The following ZNF518A variants were observed in gnomAD, a reference collection of about 807,000 sequenced individuals.
ZNF518A encodes the protein zinc finger protein 518A, also known as zinc finger protein 518.
Under a neutral mutation model 102.7 loss-of-function variants are expected in ZNF518A, and 47 were observed. That is an observed-to-expected ratio of 0.46 (90% CI 0.36 to 0.58). The LOEUF (loss-of-function observed/expected upper bound fraction) is 0.58. Among genes scored for constraint, ZNF518A ranks in the 20% least tolerant of loss-of-function variants. The pLI is 0.00. For missense variants in ZNF518A, 1,793 were observed against 1,699.8 expected, an observed-to-expected ratio of 1.05 and a Z score of -0.96; for synonymous variants, 652 against 594.6, an observed-to-expected ratio of 1.10 and a Z score of -1.40.
At chr10:96,144,155 T>A (rs1554877609) in intron 3 of ZNF518A, among the ~76,000 whole-genome samples, 1 of 152,172 alleles carries the variant, frequency 6.6e-6, no homozygotes. Flanking sequence ...TCAGCTAATT[T>A]TTGTATTTTT....
chr10:96,147,917 A>G (rs1175873087), intron 3 of ZNF518A, among the ~76,000 whole-genome samples: 1 of 151,968 alleles, frequency 6.6e-6, no homozygotes, highest in Non-Finnish European at 1.5e-5. Flanking sequence ...TGTTAGTCAA[A>G]TGTTAGACCT....
In ZNF518A at chr10:96,159,464, A is replaced by G. The variant is rs2082886005; in HGVS notation, c.3142A>G (p.Lys1048Glu). Residue 1048 changes from lysine to glutamate, a missense_variant, in exon 6 of 6, where the codon AAA becomes GAA. Around this residue, in one of 3 missense-constraint regions of ZNF518A, gnomAD observed 1,741 missense variants for 1,622.6 expected, o/e 1.07. Coordinates refer to ENST00000316045, the MANE Select transcript of ZNF518A (RefSeq NM_001330736.2). ...KSSSENTLPL[K>E]GPYILKPTSS... ...TAGCTCAGAAAATACTTTGCCATTA[A>G]AAGGCCCTTACATTTTGAAACCAAC... 1.9e-6 allele frequency: 3 copies of G among 1,613,788 alleles called. No homozygotes were observed. Among genetic ancestry groups the G allele is most frequent in the East Asian group, 4.5e-5 (2 of 44,888 alleles).
intron 3 of ZNF518A, among the ~76,000 whole-genome samples, chr10:96,151,038 C>G (rs1554880267): frequency 6.6e-6 from 1 of 152,060 alleles, no homozygotes; most frequent in African/African-American, 2.4e-5. Context: ...CAGGTGTGAG[C>G]CAGCACTCCC....
chr10:96,165,068 A>G (rs1338152962), downstream of ZNF518A, among the ~76,000 whole-genome samples: 2 of 152,096 alleles, frequency 1.3e-5, no homozygotes, highest in Non-Finnish European at 2.9e-5. Context: ...TACACTGAAA[A>G]TTAGTTACTT....
At chr10:96,153,493 A>C (rs2082549995) in intron 3 of ZNF518A, among the ~76,000 whole-genome samples, 1 of 152,260 alleles carries the variant, frequency 6.6e-6, no homozygotes, top group South Asian at 2.1e-4. Flanking sequence ...GAAACTTAAA[A>C]TTTGAGGGCA....
At chr10:96,138,363 C>T (rs1353660937) in intron 3 of ZNF518A, among the ~76,000 whole-genome samples, 1 of 152,138 alleles carries the variant, frequency 6.6e-6, no homozygotes, top group East Asian at 1.9e-4. Context: ...CTAGCTTTCC[C>T]TCTAATGCTT....
chr10:96,192,370 A>G (rs2083350009), intron 1 of ZNF518A, among the ~76,000 whole-genome samples: 1 of 152,198 alleles, frequency 6.6e-6, no homozygotes, highest in East Asian at 1.9e-4. Flanking sequence ...ATTATAGTAT[A>G]TTGCTTTTTA....
intron 1 of ZNF518A, among the ~76,000 whole-genome samples, chr10:96,169,725 A>AT (rs879960392): frequency 2.4e-4 from 37 of 151,880 alleles, no homozygotes; most frequent in Non-Finnish European, 4.1e-4. Flanking sequence ...TGCATGTCTC[A>AT]TTTTTTTTGT....
chr10:96,185,044 C>A (rs1294386098), intron 1 of ZNF518A, among the ~76,000 whole-genome samples: 1 of 152,210 alleles, frequency 6.6e-6, no homozygotes, highest in African/African-American at 2.4e-5. Flanking sequence ...CACTTCGTTT[C>A]ATTAATTTCA....
In ZNF518A at chr10:96,200,188, G is replaced by A. The variant is rs782766509; in HGVS notation, n.36-3386G>A. On this transcript the variant is annotated intron_variant and non_coding_transcript_variant, in intron 1 of 2. Transcript: ENST00000442635. The surrounding 1 kb of genome is among the most constrained non-coding windows in gnomAD (Gnocchi z 4.3). Reference sequence around the variant, plus strand: ...GAAATGGAGGGCACTGGTCAGCATGGGATGGTCCCTACTTAACTCTAATTT... The same window carrying A: ...GAAATGGAGGGCACTGGTCAGCATGAGATGGTCCCTACTTAACTCTAATTT... The A allele has an allele frequency of 1.4e-5, 23 of 1,592,416 alleles. No individual in the cohort carries two copies. Among genetic ancestry groups the A allele is most frequent in the Middle Eastern group, 1.7e-4 (1 of 6,046 alleles).
At chr10:96,129,852 G>A (rs1336325824), upstream of ZNF518A, 1 of 152,582 alleles carries the variant, frequency 6.6e-6, no homozygotes, top group Admixed American at 6.5e-5. Context: ...TGAGCAAAGA[G>A]GTAGTAGTGG....
intron 1 of ZNF518A, among the ~76,000 whole-genome samples, chr10:96,201,810 C>G (rs1175763196): frequency 6.6e-6 from 1 of 152,146 alleles, no homozygotes; most frequent in Non-Finnish European, 1.5e-5. Context: ...TGGGGATATA[C>G]AGCAGTTAAC....
At position 96,161,510 on chromosome 10, in the gene ZNF518A, A is replaced by G. The variant is rs1487767340; in HGVS notation, c.*736A>G. 1.2e-5 allele frequency: 2 copies of G among 166,824 alleles called. No homozygotes were observed. The highest frequency in any genetic ancestry group is 2.4e-5 in the African/African-American group (1 of 41,452). The allele number at this position is 166,824 out of a possible 1,614,324, so 10.3% of individuals were successfully genotyped here. A position where few individuals can be genotyped will look rare whatever the true frequency, so the allele number is the denominator to read the frequency against. ...AGAATTTAAACTCTTTGTCTCATTGAAAGTTTGGTTAAAGAACTTGAACAT... is the reference window on the plus strand; with the variant it reads ...AGAATTTAAACTCTTTGTCTCATTGGAAGTTTGGTTAAAGAACTTGAACAT... On this transcript the variant is annotated 3_prime_UTR_variant, in exon 6 of 6. Coordinates refer to ENST00000316045, the MANE Select transcript of ZNF518A (RefSeq NM_001330736.2).
rs1232877632 is a variant in ZNF518A at position 96,200,264 on chromosome 10, A to G, written n.36-3310A>G. 4.1e-6 allele frequency: 3 copies of G among 726,796 alleles called. No individual in the cohort carries two copies. In the African/African-American group the frequency reaches 5.3e-5, roughly 13 times the overall value. 45.0% of individuals were successfully genotyped at this position (726,796 alleles called of 1,614,324 possible). On this transcript the variant is annotated intron_variant and non_coding_transcript_variant, in intron 1 of 2. Transcript: ENST00000442635. This position sits in a 1 kb window ranked among gnomAD's most constrained non-coding sequence, Gnocchi z 4.3. ...TTGCATTATCAAGACAGGCCTCTAC[A>G]TTTACACCAATAATTTTAAGATGAG... is the stretch of plus-strand genomic sequence containing the variant.
intron 1 of ZNF518A, among the ~76,000 whole-genome samples, chr10:96,202,011 G>A (rs1382750110): frequency 2.6e-5 from 4 of 152,148 alleles, no homozygotes; most frequent in Admixed American, 6.5e-5. Flanking sequence ...GGACATCCCA[G>A]GAAAGAATGT....
intron 1 of ZNF518A, among the ~76,000 whole-genome samples, chr10:96,202,272 A>G (rs1354988788): frequency 2.0e-5 from 3 of 152,172 alleles, no homozygotes; most frequent in African/African-American, 7.2e-5. Context: ...ATGTTTTAAC[A>G]GGGTCATTCC....
intron 3 of ZNF518A, among the ~76,000 whole-genome samples, chr10:96,139,237 G>T (rs1430385017): frequency 6.6e-6 from 1 of 152,100 alleles, no homozygotes; most frequent in East Asian, 1.9e-4. Flanking sequence ...TTTCTTGCAG[G>T]CCTTTGTAAA....
At chr10:96,181,253 T>C (rs1482439982) in intron 1 of ZNF518A, among the ~76,000 whole-genome samples, 1 of 151,436 alleles carries the variant, frequency 6.6e-6, no homozygotes, top group African/African-American at 2.4e-5. Flanking sequence ...TAGCCCTTTG[T>C]CAGATGGATA....
At chr10:96,152,841 G>A (rs1265683893) in intron 3 of ZNF518A, among the ~76,000 whole-genome samples, 2 of 152,178 alleles carry the variant, frequency 1.3e-5, no homozygotes, top group African/African-American at 4.8e-5. Flanking sequence ...GACCACATTT[G>A]TTTATTAGGT....
Sources: gnomAD v4.1 joint callset for allele counts (sites outside exome capture counted in the v4.1 genomes callset) on GRCh38, gnomAD v4.1.1 for gene constraint, gnomAD v4.1.1 regional missense constraint, Gnocchi (gnomAD v3.1) non-coding constraint, MANE v1.5 for transcripts, NCBI Gene and HGNC (gene_info 2026-07-23, HGNC 2026-07-21) for gene names.